Variants in ASAP1 observed in about 807,000 individuals in gnomAD.
ASAP1 encodes ArfGAP with SH3 domain, ankyrin repeat and PH domain 1, also known as arf-GAP with SH3 domain, ANK repeat and PH domain-containing protein 1.
Under a neutral mutation model 145.2 loss-of-function variants are expected in ASAP1, and 43 were observed. The ratio of observed to expected loss-of-function variants is 0.30; its 90% CI spans 0.23 to 0.38. ASAP1 has a LOEUF of 0.38. Ranked by LOEUF, ASAP1 falls within the 10% of genes least tolerant of loss-of-function variation. The pLI is 1.00. For synonymous variants in ASAP1, 546 were observed against 515.5 expected (o/e 1.06, Z -0.80); for missense variants, 1,018 against 1,355.3 (o/e 0.75, Z 3.91).
At chr8:130,201,994 G>A (rs961485179) in intron 5 of ASAP1, among the ~76,000 whole-genome samples, 1 of 152,056 alleles carries the variant, frequency 6.6e-6, no homozygotes, top group Admixed American at 6.6e-5. Context: ...CACGTACTAG[G>A]GTGACATAGT....
chr8:130,245,797 C>CTA (rs1242591471), intron 3 of ASAP1, among the ~76,000 whole-genome samples: 1 of 152,138 alleles, frequency 6.6e-6, no homozygotes. Context: ...AATAATGCTG[C>CTA]TATTTCTCAT....
intron 8 of ASAP1, among the ~76,000 whole-genome samples, chr8:130,180,184 A>G (rs1373063568): frequency 2.0e-5 from 3 of 152,178 alleles, no homozygotes. Context: ...AAAGTTCTCC[A>G]CTTTAATATT....
intron 27 of ASAP1, among the ~76,000 whole-genome samples, chr8:130,072,832 G>GTGTGTGTGTGTGT (rs61663506): frequency 8.5e-4 from 10 of 11,732 alleles, no homozygotes; most frequent in Admixed American, 2.7e-3. Context: ...TGTGCGCGCG[G>GTGTGTGTGTGTGT]GGGGGGGCAG....
chr8:130,104,271 C>T (rs1459824249), intron 24 of ASAP1, among the ~76,000 whole-genome samples: 1 of 152,234 alleles, frequency 6.6e-6, no homozygotes, highest in Non-Finnish European at 1.5e-5. Flanking sequence ...TAAATCTCTG[C>T]TAGCCATAAT....
At chr8:130,152,127 T>C (rs996161046) in intron 13 of ASAP1, among the ~76,000 whole-genome samples, 73 of 152,332 alleles carry the variant, frequency 4.8e-4, no homozygotes, top group African/African-American at 1.6e-3. Flanking sequence ...GGCAATTCAT[T>C]GAGCAGTGCC....
At chr8:130,441,021 G>A (rs1445524898) in intron 1 of ASAP1, among the ~76,000 whole-genome samples, 1 of 152,200 alleles carries the variant, frequency 6.6e-6, no homozygotes, top group Non-Finnish European at 1.5e-5. Flanking sequence ...GTCCACCACT[G>A]TATCATCAGG....
chr8:130,285,371 T>C (rs556302600), intron 3 of ASAP1, among the ~76,000 whole-genome samples: 2 of 152,100 alleles, frequency 1.3e-5, no homozygotes, highest in African/African-American at 2.4e-5. Context: ...CTACAGGTAC[T>C]AGTGAACACA....
At chr8:130,237,314 C>T (rs1350139797) in intron 3 of ASAP1, among the ~76,000 whole-genome samples, 1 of 152,006 alleles carries the variant, frequency 6.6e-6, no homozygotes, top group African/African-American at 2.4e-5. Flanking sequence ...TTCTTTCATG[C>T]ATTTACAATC....
chr8:130,066,457 C>G (rs543949039), intron 27 of ASAP1, among the ~76,000 whole-genome samples: 10 of 152,262 alleles, frequency 6.6e-5, no homozygotes, highest in African/African-American at 2.2e-4. Context: ...GTGATCCTCC[C>G]GCTTCAGCCT....
intron 1 of ASAP1, among the ~76,000 whole-genome samples, chr8:130,421,404 A>G (rs1356977739): frequency 1.3e-5 from 2 of 152,180 alleles, no homozygotes; most frequent in Non-Finnish European, 2.9e-5. Context: ...TAGTTCACCA[A>G]AACTCTGTTT....
chr8:130,382,399 T>C (rs1021434127), intron 2 of ASAP1, among the ~76,000 whole-genome samples: 4 of 151,982 alleles, frequency 2.6e-5, no homozygotes, highest in Non-Finnish European at 5.9e-5. Context: ...TCTAGACCAA[T>C]GCTCAGAAAA....
intron 3 of ASAP1, among the ~76,000 whole-genome samples, chr8:130,255,471 G>C (rs1263574985): frequency 6.6e-6 from 1 of 151,570 alleles, no homozygotes; most frequent in Non-Finnish European, 1.5e-5. Flanking sequence ...TTTTTTTCCT[G>C]CATGTGCATG....
intron 3 of ASAP1, among the ~76,000 whole-genome samples, chr8:130,295,876 T>G (rs79790211): frequency 0.027 from 4,158 of 152,306 alleles, 87 homozygotes; most frequent in East Asian, 0.064. Context: ...AGTTAAATCT[T>G]AAGTATAGGA....
intron 3 of ASAP1, among the ~76,000 whole-genome samples, chr8:130,347,232 C>G (rs181412896): frequency 1.1e-4 from 16 of 152,298 alleles, no homozygotes; most frequent in Admixed American, 9.2e-4. Flanking sequence ...TGGCCATACC[C>G]TATGTGGAAT....
rs1054517575 is a variant in ASAP1 at position 130,358,740 on chromosome 8, G to A, written c.60-597C>T. Among the ~76,000 whole-genome samples the A allele has an allele frequency of 5.9e-5, 3 of 50,764 alleles. No homozygotes were observed. Among genetic ancestry groups the A allele is most frequent in the African/African-American group, 7.7e-5 (1 of 12,962 alleles). 33.3% of individuals were successfully genotyped at this position (50,764 alleles called of 152,430 possible). Reference sequence around the variant, plus strand: ...CCCGCCCGCGCCCCGCCCCCGGCCCGGCCCCCGCCCCGCCCCGCCCCCGCT... The same window carrying A: ...CCCGCCCGCGCCCCGCCCCCGGCCCAGCCCCCGCCCCGCCCCGCCCCCGCT... On this transcript the variant is annotated intron_variant, in intron 2 of 29. Coordinates refer to ENST00000518721, the MANE Select transcript of ASAP1 (RefSeq NM_018482.4). This position sits in a 1 kb window ranked among gnomAD's most constrained non-coding sequence, Gnocchi z 4.1.
intron 1 of ASAP1, among the ~76,000 whole-genome samples, chr8:130,403,554 CTT>C (rs372481861): frequency 1.8e-4 from 22 of 125,360 alleles, no homozygotes; most frequent in Admixed American, 2.6e-4. Flanking sequence ...TTTTCTTTTT[CTT>C]TTTTTTTTTT....
At chr8:130,292,907 A>T (rs1822033204) in intron 3 of ASAP1, among the ~76,000 whole-genome samples, 1 of 152,250 alleles carries the variant, frequency 6.6e-6, no homozygotes, top group South Asian at 2.1e-4. Flanking sequence ...AAAAGGATCT[A>T]TATAAAAACA....
At chr8:130,230,521 C>T (rs969598505) in intron 4 of ASAP1, among the ~76,000 whole-genome samples, 21 of 152,044 alleles carry the variant, frequency 1.4e-4, no homozygotes, top group African/African-American at 5.1e-4. Flanking sequence ...AAACCCCTTC[C>T]TTGACCCTTC....
intron 3 of ASAP1, among the ~76,000 whole-genome samples, chr8:130,295,369 T>C (rs544031811): frequency 1.3e-5 from 2 of 151,944 alleles, no homozygotes; most frequent in African/African-American, 4.8e-5. Context: ...GACTATCACA[T>C]TGATTAGCCA....
Sources: allele counts gnomAD v4.1 joint callset (sites outside exome capture counted in the v4.1 genomes callset), GRCh38; gene constraint gnomAD v4.1.1; non-coding constraint Gnocchi (gnomAD v3.1); transcripts MANE v1.5; gene names NCBI Gene and HGNC (gene_info 2026-07-23, HGNC 2026-07-21).